BANK1: variants seen among roughly 807,000 people sequenced by gnomAD.
BANK1 encodes the protein B-cell scaffold protein with ankyrin repeats.
Under a neutral mutation model 94.5 loss-of-function variants are expected in BANK1, and 95 were observed. The observed-to-expected ratio is 1.00, with a 90% CI of 0.85 to 1.19. The LOEUF is 1.19. BANK1 is among the 50% of genes most tolerant of loss of function. BANK1 has a pLI of 0.00. For missense variants in BANK1, 987 were observed against 932.2 expected, an observed-to-expected ratio of 1.06 and a Z score of -0.77; for synonymous variants, 334 against 308.4, an observed-to-expected ratio of 1.08 and a Z score of -0.87.
intron 5 of BANK1, among the ~76,000 whole-genome samples, chr4:101,893,035 T>C (rs1183524872): frequency 6.6e-6 from 1 of 152,046 alleles, no homozygotes; most frequent in Non-Finnish European, 1.5e-5. Flanking sequence ...ATTATTAAAT[T>C]AAAATAGAAG....
intron 7 of BANK1, among the ~76,000 whole-genome samples, chr4:101,933,087 T>C (rs1353858234): frequency 6.6e-6 from 1 of 151,526 alleles, no homozygotes; most frequent in Non-Finnish European, 1.5e-5. Context: ...CTGCAAACTC[T>C]CTTCCTGTTC....
chr4:101,817,877 G>A (rs1387309052), intron 1 of BANK1, among the ~76,000 whole-genome samples: 1 of 151,284 alleles, frequency 6.6e-6, no homozygotes, highest in Non-Finnish European at 1.5e-5. Flanking sequence ...TGTCATTAGT[G>A]TATTTTATAT....
chr4:101,854,958 A>C, intron 2 of BANK1, 77 bp from the exon 3 acceptor site: 3 of 1,117,934 alleles, frequency 2.7e-6, no homozygotes, highest in Non-Finnish European at 3.8e-6. Context: ...GTTGTTTAGC[A>C]ATTAGTCTTT....
At chr4:101,977,271 G>C (rs937563170) in intron 7 of BANK1, among the ~76,000 whole-genome samples, 1 of 152,138 alleles carries the variant, frequency 6.6e-6, no homozygotes, top group East Asian at 1.9e-4. Flanking sequence ...ATAAGGAAGG[G>C]AATGTGGTGA....
chr4:102,060,643 AG>A (rs1728387770), intron 12 of BANK1, among the ~76,000 whole-genome samples: 1 of 152,326 alleles, frequency 6.6e-6, no homozygotes, highest in Admixed American at 6.5e-5. Context: ...TGTCTTTAGT[AG>A]AGTGAGTGTT....
At chr4:102,055,352 T>C (rs1728190495) in intron 11 of BANK1, among the ~76,000 whole-genome samples, 1 of 152,008 alleles carries the variant, frequency 6.6e-6, no homozygotes, top group South Asian at 2.1e-4. Flanking sequence ...TCTTATAAAA[T>C]AGAAAGAGAA....
At chr4:101,820,092 A>C (rs1277384756) in intron 1 of BANK1, among the ~76,000 whole-genome samples, 1 of 152,206 alleles carries the variant, frequency 6.6e-6, no homozygotes. Context: ...CCAAGCTTTA[A>C]TTAACCATTC....
chr4:102,000,322 C>CAAAAAAAA (rs3974642), intron 7 of BANK1, among the ~76,000 whole-genome samples: 1 of 66,100 alleles, frequency 1.5e-5, no homozygotes, highest in African/African-American at 6.1e-5. Context: ...AACTCTGTCT[C>CAAAAAAAA]AAAAAAAAAA....
intron 2 of BANK1, among the ~76,000 whole-genome samples, chr4:101,848,119 G>C (rs1727326337): frequency 6.6e-6 from 1 of 152,192 alleles, no homozygotes; most frequent in African/African-American, 2.4e-5. Context: ...CCCGCAAACA[G>C]ATCTTCAGCT....
intron 6 of BANK1, among the ~76,000 whole-genome samples, chr4:101,904,541 G>T (rs1435371115): frequency 6.6e-6 from 1 of 152,104 alleles, no homozygotes; most frequent in South Asian, 2.1e-4. Flanking sequence ...CCTAATCTTT[G>T]GCAGGAACTT....
chr4:101,986,899 G>GTGTGTGTA (rs1343197093), intron 7 of BANK1, among the ~76,000 whole-genome samples: 3 of 82,660 alleles, frequency 3.6e-5, no homozygotes, highest in African/African-American at 1.9e-4. Context: ...GTGTGTGTGT[G>GTGTGTGTA]TATATATATA....
At chr4:101,831,106 C>G (rs1258676490) in intron 2 of BANK1, among the ~76,000 whole-genome samples, 2 of 152,256 alleles carry the variant, frequency 1.3e-5, no homozygotes, top group East Asian at 1.9e-4. Context: ...GAAAATGGCA[C>G]TGAGATACCT....
At chr4:101,889,604 C>CAAAAAAA (rs59341810) in intron 5 of BANK1, among the ~76,000 whole-genome samples, 2 of 54,924 alleles carry the variant, frequency 3.6e-5, no homozygotes, top group African/African-American at 1.4e-4. Context: ...GACTCCGTCT[C>CAAAAAAA]AAAAAAAAAA....
intron 1 of BANK1, among the ~76,000 whole-genome samples, chr4:101,807,178 C>T (rs1163884397): frequency 6.6e-6 from 1 of 152,154 alleles, no homozygotes; most frequent in Non-Finnish European, 1.5e-5. Context: ...TAAGACCTTC[C>T]TCAATTTTTG....
rs750475758 is a variant in BANK1, at chr4:102,029,981, T to C, written c.1616T>C (p.Met539Thr). Reference sequence around the variant, plus strand: ...ACAGGGACAATGGTGGAAGGCCAAATGGAAAGAAGTCAAAACTGGGGTCAT... The same window carrying C: ...ACAGGGACAATGGTGGAAGGCCAAACGGAAAGAAGTCAAAACTGGGGTCAT... Reference protein sequence around the residue: ...TLPGTMVEGQMERSQNWGHPG... With the variant: ...TLPGTMVEGQTERSQNWGHPG... Residue 539 changes from methionine to threonine, a missense_variant, in exon 10 of 17, where the codon ATG (methionine) becomes ACG (threonine). Physicochemically the swap from Met to Thr is moderately conservative, Grantham distance 81. Transcript: ENST00000322953. 1.9e-5 allele frequency: 31 copies of C among 1,606,330 alleles called. 1 individual carries two copies. The South Asian group carries it at 3.4e-4, about 17-fold the overall frequency.
intron 2 of BANK1, among the ~76,000 whole-genome samples, chr4:101,844,946 TAAAC>T (rs1280318154): frequency 2.0e-5 from 3 of 152,132 alleles, no homozygotes; most frequent in Admixed American, 2.0e-4. Flanking sequence ...AATGGGGTGA[TAAAC>T]AAAACTTATT....
chr4:102,008,455 A>C, intron 7 of BANK1, among the ~76,000 whole-genome samples: 1 of 152,230 alleles, frequency 6.6e-6, no homozygotes, highest in Non-Finnish European at 1.5e-5. Flanking sequence ...TGCATAGCAC[A>C]TATATCTTAG....
intron 2 of BANK1, among the ~76,000 whole-genome samples, chr4:101,854,566 A>G (rs909477831): frequency 2.4e-4 from 37 of 152,050 alleles, no homozygotes; most frequent in African/African-American, 8.9e-4. Context: ...AATAAATACT[A>G]GTCTAATTTA....
Position 101,855,106 on chromosome 4 carries a change from A to G in BANK1, c.541A>G (p.Arg181Gly). Residue 181 changes from arginine to glycine, a missense_variant, in exon 3 of 17, where the codon AGA (arginine) becomes GGA (glycine). Arg to Gly is a moderately radical substitution (Grantham distance 125). Coordinates refer to ENST00000322953, the MANE Select transcript of BANK1 (RefSeq NM_017935.5). ...RAKHSGEISE[R>G]KEIEELSEAS... The stretch of plus-strand genomic sequence containing the variant: ...AAAACATTCTGGGGAAATAAGTGAG[A>G]GAAAGGAAATTGAAGAACTATCAGA... 6.2e-7 allele frequency: 1 copy of G among 1,613,612 alleles called. No individual in the cohort carries two copies. The highest frequency in any genetic ancestry group is 1.1e-5 in the South Asian group (1 of 91,070).
Sources: allele counts gnomAD v4.1 joint callset (sites outside exome capture counted in the v4.1 genomes callset), GRCh38; gene constraint gnomAD v4.1.1; transcripts MANE v1.5; gene names NCBI Gene and HGNC (gene_info 2026-07-23, HGNC 2026-07-21).